The following CAMTA1 variants were observed in gnomAD, a reference collection of about 807,000 sequenced individuals.
The protein encoded by CAMTA1 is calmodulin binding transcription activator 1, also known as calmodulin-binding transcription activator 1.
In CAMTA1, 27 loss-of-function variants were observed where a neutral mutation model predicts 170.9. The observed-to-expected ratio is 0.16, with a 90% CI of 0.12 to 0.22. The LOEUF (loss-of-function observed/expected upper bound fraction) is 0.22, where lower values mean the gene tolerates loss of function less well. CAMTA1 is among the 10% of genes least tolerant of loss of function. The pLI, the probability that CAMTA1 is intolerant of heterozygous loss-of-function variation, is 1.00. For synonymous variants in CAMTA1, 833 were observed against 891.5 expected, an observed-to-expected ratio of 0.93 and a Z score of 1.17; for missense variants, 1,619 against 2,217.2, an observed-to-expected ratio of 0.73 and a Z score of 5.42.
chr1:7,461,029 C>T (rs1321942394), intron 5 of CAMTA1, among the ~76,000 whole-genome samples: 1 of 152,106 alleles, frequency 6.6e-6, no homozygotes, highest in Non-Finnish European at 1.5e-5. Context: ...GCAGAGGGAC[C>T]CTCATAAAAG....
chr1:6,852,347 C>G (rs1660724923), intron 3 of CAMTA1, among the ~76,000 whole-genome samples: 1 of 152,128 alleles, frequency 6.6e-6, no homozygotes, highest in African/African-American at 2.4e-5. Flanking sequence ...CTCCAGTTCT[C>G]TGTGGACTCC....
At chr1:7,483,317 G>A (rs994086025) in intron 6 of CAMTA1, among the ~76,000 whole-genome samples, 1 of 152,234 alleles carries the variant, frequency 6.6e-6, no homozygotes, top group Non-Finnish European at 1.5e-5. Flanking sequence ...CATTAAGAAG[G>A]GATGTTGAGT....
At chr1:7,629,013 C>A (rs1255213420) in intron 6 of CAMTA1, among the ~76,000 whole-genome samples, 2 of 152,248 alleles carry the variant, frequency 1.3e-5, no homozygotes, top group Non-Finnish European at 2.9e-5. Flanking sequence ...CTTTGCCCTA[C>A]AGGAGTTCCC....
At chr1:7,360,262 C>G (rs1477243961) in intron 5 of CAMTA1, among the ~76,000 whole-genome samples, 2 of 152,112 alleles carry the variant, frequency 1.3e-5, no homozygotes, top group Non-Finnish European at 2.9e-5. Flanking sequence ...GGGACTCAAC[C>G]CATAACAGCT....
intron 3 of CAMTA1, among the ~76,000 whole-genome samples, chr1:6,851,132 C>T (rs903707330): frequency 6.6e-6 from 1 of 152,010 alleles, no homozygotes; most frequent in Non-Finnish European, 1.5e-5. Context: ...GGAAGTGGAT[C>T]GACAGGGATC....
At chr1:6,948,544 G>A (rs925602266) in intron 3 of CAMTA1, among the ~76,000 whole-genome samples, 43 of 152,186 alleles carry the variant, frequency 2.8e-4, no homozygotes, top group African/African-American at 1.0e-3. Flanking sequence ...TGAGGAACTG[G>A]CACTTAGAGA....
chr1:6,839,110 T>C (rs74452797), intron 3 of CAMTA1, among the ~76,000 whole-genome samples: 51,148 of 151,656 alleles, frequency 0.34, 8,773 homozygotes, highest in Admixed American at 0.42. Context: ...TGGCTGGGTA[T>C]GGTGGCTCAC....
At chr1:6,961,019 C>T (rs1341611332) in intron 3 of CAMTA1, among the ~76,000 whole-genome samples, 1 of 152,090 alleles carries the variant, frequency 6.6e-6, no homozygotes, top group Non-Finnish European at 1.5e-5. Flanking sequence ...AGTTTTAAAC[C>T]CAGGCAGCCT....
chr1:7,478,458 C>T (rs1475421177), intron 6 of CAMTA1, among the ~76,000 whole-genome samples: 5 of 152,218 alleles, frequency 3.3e-5, no homozygotes, highest in Non-Finnish European at 5.9e-5. Flanking sequence ...GGCCTGCCGA[C>T]GCTCCTCTGT....
At chr1:7,163,875 C>G (rs1402443887) in intron 4 of CAMTA1, among the ~76,000 whole-genome samples, 4 of 152,228 alleles carry the variant, frequency 2.6e-5, no homozygotes, top group Non-Finnish European at 5.9e-5. Context: ...CCTTATCAAG[C>G]TCTACCCTAA....
intron 4 of CAMTA1, among the ~76,000 whole-genome samples, chr1:7,230,440 CCCCCG>C (rs1271235992): frequency 8.2e-5 from 7 of 85,610 alleles, no homozygotes; most frequent in South Asian, 4.7e-4. Context: ...TGACCCCCCC[CCCCCG>C]CCCCGCAAAG....
chr1:7,463,363 A>T lies in CAMTA1; in HGVS notation c.439-4467A>T, dbSNP rs2093136096. Reference sequence around the variant, plus strand: ...GGGAGAGACAGAGAGACAGAGAAAGATGGAGAGAGATAGCAGGAGAGACAG... The same window carrying T: ...GGGAGAGACAGAGAGACAGAGAAAGTTGGAGAGAGATAGCAGGAGAGACAG... On this transcript the variant is annotated intron_variant, in intron 5 of 22. Transcript: ENST00000303635. This position sits in a 1 kb window ranked among gnomAD's most constrained non-coding sequence, Gnocchi z 4.7. Among the ~76,000 whole-genome samples the T allele has an allele frequency of 6.6e-6, 1 of 151,876 alleles. No homozygotes were observed. The highest frequency in any genetic ancestry group is 1.5e-5 in the Non-Finnish European group (1 of 67,950).
intron 7 of CAMTA1, among the ~76,000 whole-genome samples, chr1:7,643,184 T>C (rs2095778467): frequency 3.3e-5 from 5 of 149,990 alleles, no homozygotes; most frequent in African/African-American, 1.0e-4. Flanking sequence ...AGGAGTTGCC[T>C]TCCTGGCCTT....
At chr1:7,616,564 T>G (rs1179704919) in intron 6 of CAMTA1, among the ~76,000 whole-genome samples, 1 of 152,154 alleles carries the variant, frequency 6.6e-6, no homozygotes, top group Non-Finnish European at 1.5e-5. Context: ...AAGCCGGGCC[T>G]CGGGGGTGAC....
At chr1:7,598,337 T>C (rs1455264607) in intron 6 of CAMTA1, among the ~76,000 whole-genome samples, 1 of 152,204 alleles carries the variant, frequency 6.6e-6, no homozygotes, top group African/African-American at 2.4e-5. Context: ...GTCTATCATT[T>C]TTGGACATTT....
chr1:6,851,546 A>G (rs1227514113), intron 3 of CAMTA1, among the ~76,000 whole-genome samples: 2 of 152,196 alleles, frequency 1.3e-5, no homozygotes, highest in South Asian at 2.1e-4. Flanking sequence ...ACAGATTTAA[A>G]AAATACTACC....
chr1:7,037,773 G>A (rs1208358096), intron 3 of CAMTA1, among the ~76,000 whole-genome samples: 2 of 151,552 alleles, frequency 1.3e-5, no homozygotes, highest in East Asian at 3.9e-4. Flanking sequence ...GGGAGGCGGA[G>A]CTTGCAGTGA....
Position 7,609,480 on chromosome 1 carries a change from G to A in CAMTA1, c.511-30920G>A, listed in dbSNP as rs115716273. ...GAGGGCAGCAGAGCAGCAGCCAGAA[G>A]GCAAGCCCTGGCCCCAGCCTCCAGG... On this transcript the variant is annotated intron_variant, in intron 6 of 22. Transcript: ENST00000303635. The surrounding 1 kb of genome is among the most constrained non-coding windows in gnomAD (Gnocchi z 4.4). 0.014 allele frequency among the ~76,000 whole-genome samples: 2,107 copies of A among 151,938 alleles called. 52 individuals carry two copies. Among genetic ancestry groups the A allele is most frequent in the African/African-American group, 0.048 (1,959 of 41,198 alleles).
In CAMTA1 at chr1:7,326,236, T is replaced by G. The variant is rs574811251; in HGVS notation, c.438+76610T>G. Among the ~76,000 whole-genome samples, 5 of 152,126 alleles carry G rather than the reference T, an allele frequency of 3.3e-5. No homozygotes were observed. In the South Asian group the frequency reaches 1.0e-3, roughly 31 times the overall value. On this transcript the variant is annotated intron_variant, in intron 5 of 22. Transcript: ENST00000303635. ...TTAAGGAACAAAACATAAAATTACA[T>G]AAAAACCAAATACAAGGGAGGGCCA...
Sources: gnomAD v4.1 joint callset for allele counts (sites outside exome capture counted in the v4.1 genomes callset) on GRCh38, gnomAD v4.1.1 for gene constraint, Gnocchi (gnomAD v3.1) non-coding constraint, MANE v1.5 for transcripts, NCBI Gene and HGNC (gene_info 2026-07-23, HGNC 2026-07-21) for gene names.